Variants in GRID2 observed in about 807,000 individuals in gnomAD.
The protein encoded by GRID2 is glutamate receptor ionotropic, delta-2.
A neutral mutation model predicts 114.8 loss-of-function variants in GRID2; 33 were observed. That is an observed-to-expected ratio of 0.29 (90% CI 0.22 to 0.38). The LOEUF is 0.38. GRID2 is among the 10% of genes least tolerant of loss of function. The probability of loss-of-function intolerance (pLI) is 1.00; values close to 1 mark genes in which losing one functional copy is unlikely to be tolerated. For missense variants in GRID2, 1,184 were observed against 1,257.7 expected, an observed-to-expected ratio of 0.94 and a Z score of 0.89; for synonymous variants, 505 against 449.9, an observed-to-expected ratio of 1.12 and a Z score of -1.55.
chr4:92,574,532 C>T (rs1318401314), intron 1 of GRID2, among the ~76,000 whole-genome samples: 1 of 149,642 alleles, frequency 6.7e-6, no homozygotes, highest in Non-Finnish European at 1.5e-5. Flanking sequence ...ATTTTCTTGT[C>T]TGAAAACGAC....
intron 2 of GRID2, among the ~76,000 whole-genome samples, chr4:92,967,072 C>T (rs978682307): frequency 6.6e-6 from 1 of 151,252 alleles, no homozygotes; most frequent in African/African-American, 2.5e-5. Flanking sequence ...CAAGTGTACC[C>T]ACTTTATATG....
intron 1 of GRID2, among the ~76,000 whole-genome samples, chr4:92,358,024 A>G (rs1000380544): frequency 1.3e-5 from 2 of 151,934 alleles, no homozygotes; most frequent in African/African-American, 4.8e-5. Context: ...ATTCCAGCTT[A>G]CTTCATGGTA....
chr4:92,880,700 A>G (rs1438972005), intron 2 of GRID2, among the ~76,000 whole-genome samples: 1 of 152,164 alleles, frequency 6.6e-6, no homozygotes, highest in Non-Finnish European at 1.5e-5. Context: ...AAAAAACACA[A>G]CAATTTGGCC....
At chr4:93,645,866 A>G (rs1722063383) in intron 14 of GRID2, among the ~76,000 whole-genome samples, 1 of 152,210 alleles carries the variant, frequency 6.6e-6, no homozygotes, top group Admixed American at 6.5e-5. Context: ...GAATTACAAA[A>G]TCTATCTTAC....
intron 2 of GRID2, among the ~76,000 whole-genome samples, chr4:92,646,078 C>T (rs961833787): frequency 5.4e-5 from 8 of 148,148 alleles, no homozygotes; most frequent in African/African-American, 2.0e-4. Context: ...GGAGAGTTCT[C>T]GTCGTACCAC....
At chr4:92,972,322 T>C (rs1753574258) in intron 2 of GRID2, among the ~76,000 whole-genome samples, 1 of 152,014 alleles carries the variant, frequency 6.6e-6, no homozygotes, top group Non-Finnish European at 1.5e-5. Context: ...TTCCCTATAC[T>C]TGTTGGCCAT....
intron 4 of GRID2, among the ~76,000 whole-genome samples, chr4:93,121,954 T>TC (rs1396016898): frequency 6.6e-6 from 1 of 152,104 alleles, no homozygotes; most frequent in African/African-American, 2.4e-5. Context: ...GAAGTTATAG[T>TC]CCCCCCTTCT....
intron 2 of GRID2, among the ~76,000 whole-genome samples, chr4:92,664,585 C>T (rs937109800): frequency 2.6e-5 from 4 of 151,042 alleles, no homozygotes; most frequent in Non-Finnish European, 4.5e-5. Flanking sequence ...TGTTTCTTCT[C>T]TTTCCTTACT....
chr4:93,334,772 T>C (rs892984719), intron 8 of GRID2, among the ~76,000 whole-genome samples: 27 of 152,042 alleles, frequency 1.8e-4, no homozygotes, highest in African/African-American at 6.5e-4. Flanking sequence ...CAACTAAAAA[T>C]ACAAAAAAAT....
At chr4:93,212,000 T>G (rs1283094090) in intron 5 of GRID2, among the ~76,000 whole-genome samples, 1 of 152,106 alleles carries the variant, frequency 6.6e-6, no homozygotes. Flanking sequence ...TTCATTTACA[T>G]GCTTGTTTAT....
chr4:92,460,685 A>G (rs11937137), intron 1 of GRID2, among the ~76,000 whole-genome samples: 26,431 of 152,068 alleles, frequency 0.17, 3,144 homozygotes, highest in African/African-American at 0.34. Flanking sequence ...TGATCTTCCT[A>G]TATTTTTGAT....
chr4:92,662,128 C>T (rs1732550142), intron 2 of GRID2, among the ~76,000 whole-genome samples: 1 of 150,970 alleles, frequency 6.6e-6, no homozygotes, highest in Admixed American at 6.6e-5. Flanking sequence ...GGTTTCCTTT[C>T]TGTGTATGAA....
intron 1 of GRID2, among the ~76,000 whole-genome samples, chr4:92,497,173 C>G (rs188555653): frequency 1.4e-4 from 21 of 151,872 alleles, no homozygotes; most frequent in Admixed American, 1.2e-3. Flanking sequence ...TTGTTGTTCA[C>G]TTTAATGCTT....
At chr4:92,590,436 G>A (rs1728656416) in intron 2 of GRID2, 150 bp downstream of exon 2, 1 of 557,418 alleles carries the variant, frequency 1.8e-6, no homozygotes. Flanking sequence ...TTTTGTAGAT[G>A]TTAATCTTGT....
chr4:93,616,089 T>A (rs908428080), intron 13 of GRID2, among the ~76,000 whole-genome samples: 3 of 152,180 alleles, frequency 2.0e-5, no homozygotes, highest in Non-Finnish European at 4.4e-5. Flanking sequence ...TCCATCTCTA[T>A]TAAGTAAAAA....
intron 2 of GRID2, among the ~76,000 whole-genome samples, chr4:93,001,532 GTGTTTTACT>G (rs1720985085): frequency 6.6e-6 from 1 of 151,696 alleles, no homozygotes; most frequent in South Asian, 2.1e-4. Flanking sequence ...ATAATAGTGA[GTGTTTTACT>G]TGTTAAATCT....
intron 3 of GRID2, among the ~76,000 whole-genome samples, chr4:93,104,057 G>C (rs1479144616): frequency 1.3e-5 from 2 of 151,954 alleles, no homozygotes; most frequent in African/African-American, 4.8e-5. Context: ...CCGGCTAGTA[G>C]TCTTTGGTGT....
intron 5 of GRID2, among the ~76,000 whole-genome samples, chr4:93,214,141 G>T (rs1048680675): frequency 3.3e-5 from 5 of 151,876 alleles, no homozygotes; most frequent in South Asian, 2.1e-4. Flanking sequence ...TCTTTTAAAA[G>T]ATTAAGATAT....
At chr4:92,558,843 G>T (rs1180516531) in intron 1 of GRID2, among the ~76,000 whole-genome samples, 1 of 151,272 alleles carries the variant, frequency 6.6e-6, no homozygotes, top group Non-Finnish European at 1.5e-5. Flanking sequence ...CATTACTAGA[G>T]CTGATGGTGC....
Sources: gnomAD v4.1 joint callset for allele counts (sites outside exome capture counted in the v4.1 genomes callset) on GRCh38, gnomAD v4.1.1 for gene constraint, MANE v1.5 for transcripts, NCBI Gene and HGNC (gene_info 2026-07-23, HGNC 2026-07-21) for gene names.